The following NAV2 variants were observed in gnomAD, a reference collection of about 807,000 sequenced individuals.
NAV2 encodes the protein neuron navigator 2, also known as helicase, APC down-regulated 1.
In NAV2, 54 loss-of-function variants were observed where a neutral mutation model predicts 223.2. That is an observed-to-expected ratio of 0.24 (90% CI 0.19 to 0.30). The LOEUF is 0.30. Ranked by LOEUF, NAV2 falls within the 10% of genes least tolerant of loss-of-function variation. The probability of loss-of-function intolerance (pLI) is 1.00; values close to 1 mark genes in which losing one functional copy is unlikely to be tolerated. For synonymous variants in NAV2, 1,279 were observed against 1,239.3 expected (o/e 1.03, Z -0.67); for missense variants, 2,806 against 3,147.5 (o/e 0.89, Z 2.60).
At chr11:19,402,377 G>A (rs915081088) in intron 1 of NAV2, among the ~76,000 whole-genome samples, 2 of 152,096 alleles carry the variant, frequency 1.3e-5, no homozygotes, top group African/African-American at 4.8e-5. Context: ...GCTGATACAT[G>A]CAGAGCTCAG....
intron 4 of NAV2, among the ~76,000 whole-genome samples, chr11:19,876,449 A>G (rs2062835581): frequency 6.6e-6 from 1 of 152,214 alleles, no homozygotes; most frequent in African/African-American, 2.4e-5. Flanking sequence ...GTAAAATCTC[A>G]AAGTGTATAA....
intron 1 of NAV2, among the ~76,000 whole-genome samples, chr11:19,812,883 C>T (rs2058906568): frequency 6.6e-6 from 1 of 152,176 alleles, no homozygotes; most frequent in Non-Finnish European, 1.5e-5. Context: ...CAGCAAGCAA[C>T]TCTTGCACAA....
At chr11:19,559,920 C>T (rs1006770488) in intron 1 of NAV2, among the ~76,000 whole-genome samples, 2 of 152,172 alleles carry the variant, frequency 1.3e-5, no homozygotes, top group Non-Finnish European at 2.9e-5. Flanking sequence ...GATAGATGGA[C>T]AGCCTGGAGT....
At chr11:20,077,350 G>A (rs866347115) in intron 22 of NAV2, among the ~76,000 whole-genome samples, 1 of 151,972 alleles carries the variant, frequency 6.6e-6, no homozygotes, top group Non-Finnish European at 1.5e-5. Context: ...CCCTAAGATG[G>A]GAAGGAGCAC....
intron 1 of NAV2, among the ~76,000 whole-genome samples, chr11:19,588,537 T>C (rs1342069378): frequency 2.0e-5 from 3 of 152,336 alleles, no homozygotes; most frequent in Admixed American, 6.5e-5. Flanking sequence ...AAGTCCTGTG[T>C]AACCTGCTAG....
At chr11:19,365,366 G>GAATC (rs1848240993) in intron 1 of NAV2, among the ~76,000 whole-genome samples, 1 of 152,120 alleles carries the variant, frequency 6.6e-6, no homozygotes, top group African/African-American at 2.4e-5. Context: ...TCATTTCACT[G>GAATC]AATCACCTGT....
intron 1 of NAV2, among the ~76,000 whole-genome samples, chr11:19,719,460 G>A (rs1287851522): frequency 6.6e-6 from 1 of 152,174 alleles, no homozygotes; most frequent in East Asian, 1.9e-4. Context: ...CTTCAGTTTT[G>A]TCATCTTTGA....
chr11:19,392,582 C>A (rs913348177), intron 1 of NAV2, among the ~76,000 whole-genome samples: 7 of 152,136 alleles, frequency 4.6e-5, no homozygotes, highest in African/African-American at 1.7e-4. Context: ...AGAGCACGAG[C>A]AAGCCAGGCA....
chr11:19,474,216 G>T (rs1300601125), intron 1 of NAV2, among the ~76,000 whole-genome samples: 1 of 152,206 alleles, frequency 6.6e-6, no homozygotes, highest in Non-Finnish European at 1.5e-5. Flanking sequence ...CAGCTCTGAA[G>T]AAATACTTGT....
At chr11:19,400,571 C>A (rs954074868) in intron 1 of NAV2, among the ~76,000 whole-genome samples, 5 of 152,188 alleles carry the variant, frequency 3.3e-5, no homozygotes, top group Admixed American at 6.5e-5. Context: ...GTGAGTAGGT[C>A]ATTCACCTGC....
chr11:19,641,749 T>C (rs183440146), intron 1 of NAV2, among the ~76,000 whole-genome samples: 3 of 152,240 alleles, frequency 2.0e-5, no homozygotes, highest in African/African-American at 4.8e-5. Flanking sequence ...CAAATGCCCC[T>C]GGCCCCGCCC....
rs2057897682 is a variant in NAV2 at position 19,796,370 on chromosome 11, AC to A, written c.268-36111del. Among the ~76,000 whole-genome samples, 3 of 152,246 alleles carry A rather than the reference AC, an allele frequency of 2.0e-5. No homozygotes were observed. In the South Asian group the frequency reaches 6.2e-4, roughly 32 times the overall value. The stretch of plus-strand genomic sequence containing the variant: ...CATGCAGGTGCACCTTATTGACAGA[AC>A]CCAAATTAAACAAACCTGTCTGCTG... On this transcript the variant is annotated intron_variant, in intron 1 of 37. Coordinates refer to ENST00000349880, the MANE Select transcript of NAV2 (RefSeq NM_145117.5).
At chr11:19,774,540 A>G (rs1317173447) in intron 1 of NAV2, among the ~76,000 whole-genome samples, 1 of 152,176 alleles carries the variant, frequency 6.6e-6, no homozygotes, top group Non-Finnish European at 1.5e-5. Context: ...CTGTTGCATT[A>G]CATTGCAACT....
chr11:19,508,147 G>A (rs1023687110), intron 1 of NAV2, among the ~76,000 whole-genome samples: 16 of 152,136 alleles, frequency 1.1e-4, no homozygotes, highest in Non-Finnish European at 2.2e-4. Context: ...GCTGATGGGG[G>A]CTGCTCTGTG....
At chr11:19,448,083 G>C (rs1372893174) in intron 1 of NAV2, among the ~76,000 whole-genome samples, 2 of 152,162 alleles carry the variant, frequency 1.3e-5, no homozygotes, top group Non-Finnish European at 2.9e-5. Context: ...ATCTGGTAAG[G>C]GAGGCAGACA....
chr11:19,881,026 TC>T (rs2153091322), intron 5 of NAV2, among the ~76,000 whole-genome samples: 1 of 152,350 alleles, frequency 6.6e-6, no homozygotes, highest in African/African-American at 2.4e-5. Context: ...CCTTTTCTTT[TC>T]ATTCCCCCAA....
rs1356706824 is a variant in NAV2, at chr11:20,051,284, T to G, written c.4437-5T>G. On this transcript the variant is annotated splice_region_variant and splice_polypyrimidine_tract_variant and intron_variant, in intron 16 of 37. Transcript: ENST00000349880. ...GTTCTTATTTTTGTTTTAACTTTCCTACAGTGACCCGCACCTTGATAGGAA... is the reference window on the plus strand; with the variant it reads ...GTTCTTATTTTTGTTTTAACTTTCCGACAGTGACCCGCACCTTGATAGGAA... The G allele has an allele frequency of 1.3e-5, 21 of 1,614,000 alleles. No individual in the cohort carries two copies. Among genetic ancestry groups the G allele is most frequent in the Non-Finnish European group, 1.8e-5 (21 of 1,179,838 alleles).
chr11:19,677,194 C>T (rs1182990855), intron 1 of NAV2, among the ~76,000 whole-genome samples: 2 of 152,232 alleles, frequency 1.3e-5, no homozygotes, highest in Admixed American at 1.3e-4. Flanking sequence ...AAAGAGTCTC[C>T]CCATATGCCT....
intron 1 of NAV2, among the ~76,000 whole-genome samples, chr11:19,819,398 T>G (rs1008932168): frequency 1.3e-5 from 2 of 152,156 alleles, no homozygotes; most frequent in African/African-American, 4.8e-5. Flanking sequence ...GGGCAGCGTG[T>G]GAAAAGGCAC....
Sources: allele counts gnomAD v4.1 joint callset (sites outside exome capture counted in the v4.1 genomes callset), GRCh38; gene constraint gnomAD v4.1.1; transcripts MANE v1.5; gene names NCBI Gene and HGNC (gene_info 2026-07-23, HGNC 2026-07-21).